The following TGDS variants were observed in gnomAD, a reference collection of about 807,000 sequenced individuals.
TGDS encodes UDP-D-glucose 4,6-dehydratase.
A neutral mutation model predicts 52.3 loss-of-function variants in TGDS; 47 were observed. That is an observed-to-expected ratio of 0.90 (90% confidence interval 0.71 to 1.15). TGDS has a LOEUF of 1.15. Ranked by LOEUF, TGDS falls within the 50% of genes most tolerant of loss-of-function variation. The pLI is 0.00. For synonymous variants in TGDS, 115 were observed against 136.9 expected (o/e 0.84, Z 1.12); for missense variants, 375 against 418.4 (o/e 0.90, Z 0.90).
intron 11 of TGDS, among the ~76,000 whole-genome samples, chr13:94,575,126 T>C (rs986751132): frequency 2.6e-5 from 4 of 152,086 alleles, no homozygotes; most frequent in African/African-American, 7.2e-5. Flanking sequence ...TTGGTATAAA[T>C]ATTTAAGATT....
intron 3 of TGDS, 62 bp from the exon 4 acceptor site, chr13:94,591,005 T>G: frequency 8.2e-7 from 1 of 1,224,984 alleles, no homozygotes; most frequent in Non-Finnish European, 1.1e-6. Flanking sequence ...TTCATAACCA[T>G]TTTTACTATA....
intron 3 of TGDS, among the ~76,000 whole-genome samples, chr13:94,591,171 CCAA>C (rs1226441526): frequency 1.6e-4 from 25 of 152,312 alleles, no homozygotes; most frequent in African/African-American, 5.5e-4. Flanking sequence ...TTAATGAGCA[CCAA>C]CAACTACTAA....
Position 94,583,075 on chromosome 13 carries a change from A to G in TGDS, c.456+19T>C. 1 of 1,609,672 alleles carries G rather than the reference A, an allele frequency of 6.2e-7. No homozygotes were observed. On this transcript the variant is annotated intron_variant, in intron 5 of 11. Coordinates refer to ENST00000261296, the MANE Select transcript of TGDS (RefSeq NM_014305.4). ...TGGTACATGGTTAAGTAGGTAAAAT[A>G]TACATTTTCTAAGCTCACCTTATCA...
intron 4 of TGDS, among the ~76,000 whole-genome samples, chr13:94,585,545 C>G (rs1212248339): frequency 6.6e-6 from 1 of 151,932 alleles, no homozygotes; most frequent in Non-Finnish European, 1.5e-5. Flanking sequence ...TGCCCGTAAT[C>G]CCAGCACTTT....
chr13:94,587,764 G>C (rs1022581801), intron 4 of TGDS, among the ~76,000 whole-genome samples: 3 of 152,172 alleles, frequency 2.0e-5, no homozygotes, highest in African/African-American at 7.2e-5. Flanking sequence ...TTGGGAGGCT[G>C]AGGCGGGTGG....
chr13:94,593,996 A>C, intron 1 of TGDS, 89 bp from the exon 2 acceptor site: 1 of 738,268 alleles, frequency 1.4e-6, no homozygotes, highest in South Asian at 2.0e-5. Context: ...TACTAGGAAA[A>C]TACTCAAAGA....
At position 94,596,065 on chromosome 13, in the gene TGDS, G is replaced by C; in HGVS notation, c.72C>G (p.Gly24=). The C allele has an allele frequency of 6.2e-7, 1 of 1,614,086 alleles. No individual in the cohort carries two copies. Among genetic ancestry groups the C allele is most frequent in the Non-Finnish European group, 8.5e-7 (1 of 1,179,990 alleles). Residue 24 remains glycine (G), a synonymous_variant, in exon 1 of 12, where the codon GGC becomes GGG. Coordinates refer to ENST00000261296, the MANE Select transcript of TGDS (RefSeq NM_014305.4). The part of the protein sequence containing the change: ...GGFAKRVLVT[G]GAGFIASHMI... ...CCATTACCTACATGAAACCAGCACC[G>C]CCGGTCACCAGGACCCGCTTCGCAA...
intron 5 of TGDS, among the ~76,000 whole-genome samples, chr13:94,582,120 C>A (rs1042501046): frequency 6.6e-6 from 1 of 151,950 alleles, no homozygotes; most frequent in Non-Finnish European, 1.5e-5. Context: ...ATTGCTTGAA[C>A]CTGGGAGGCG....
At chr13:94,595,322 T>C (rs921729386) in intron 1 of TGDS, among the ~76,000 whole-genome samples, 4 of 152,144 alleles carry the variant, frequency 2.6e-5, no homozygotes, top group South Asian at 2.1e-4. Flanking sequence ...ATGGTAGAGT[T>C]TGGGCTTTAT....
At chr13:94,578,376 C>CATATTAGTGAT in intron 8 of TGDS, among the ~76,000 whole-genome samples, 1 of 152,258 alleles carries the variant, frequency 6.6e-6, no homozygotes, top group East Asian at 1.9e-4. Flanking sequence ...AGGAAAGTGA[C>CATATTAGTGAT]CCCTGTGAAA....
chr13:94,581,324 T>C, intron 5 of TGDS, 135 bp from the exon 6 acceptor site: 1 of 528,304 alleles, frequency 1.9e-6, no homozygotes, highest in South Asian at 3.7e-5. Context: ...CCTGGTGTTT[T>C]CCCAAGGACA....
intron 4 of TGDS, among the ~76,000 whole-genome samples, chr13:94,585,073 TCTC>T (rs1888930743): frequency 6.6e-6 from 1 of 151,114 alleles, no homozygotes; most frequent in African/African-American, 2.4e-5. Flanking sequence ...TTTTTTTTTT[TCTC>T]TCTCTCTCTG....
chr13:94,593,156 G>C (rs1173713850), intron 2 of TGDS, among the ~76,000 whole-genome samples: 1 of 145,128 alleles, frequency 6.9e-6, no homozygotes, highest in African/African-American at 2.5e-5. Context: ...CCATTTCAAA[G>C]AAAAAAAAAA....
intron 2 of TGDS, among the ~76,000 whole-genome samples, chr13:94,593,264 G>A (rs892255951): frequency 6.6e-5 from 10 of 152,150 alleles, no homozygotes; most frequent in Admixed American, 6.5e-4. Context: ...TTACACCTGT[G>A]TTATACATAT....
chr13:94,588,421 C>CAAAAAAAAAAAAAAAA (rs150186125), intron 4 of TGDS, among the ~76,000 whole-genome samples: 3 of 58,492 alleles, frequency 5.1e-5, no homozygotes, highest in East Asian at 6.7e-4. Context: ...GACTCTGTCT[C>CAAAAAAAAAAAAAAAA]AAAAAAAAAA....
In TGDS at chr13:94,576,613, CCT is replaced by C. The variant is rs146133335; in HGVS notation, c.885-204_885-203del. Among the ~76,000 whole-genome samples, 449 of 151,898 alleles carry C rather than the reference CCT, an allele frequency of 3.0e-3. 3 individuals are homozygous for C. The highest frequency in any genetic ancestry group is 8.8e-3 in the African/African-American group (365 of 41,428). On this transcript the variant is annotated intron_variant, in intron 10 of 11. Coordinates refer to ENST00000261296, the MANE Select transcript of TGDS (RefSeq NM_014305.4). ...TCACCCATAATGCCAGGTGCCTAAC[CCT>C]CTCTGTGTCTTGTCTTCTTGTTTCA...
At chr13:94,581,240 A>G in intron 5 of TGDS, 51 bp from the exon 6 acceptor site, 1 of 1,238,296 alleles carries the variant, frequency 8.1e-7, no homozygotes, top group Non-Finnish European at 1.1e-6. Flanking sequence ...TTTTAAGTAT[A>G]GAAATCAGAG....
chr13:94,577,716 T>C (rs1324449802), intron 9 of TGDS, among the ~76,000 whole-genome samples: 2 of 152,216 alleles, frequency 1.3e-5, no homozygotes, highest in African/African-American at 4.8e-5. Flanking sequence ...CTAATGTAAT[T>C]ATTTTATATA....
chr13:94,576,395 T>C lies in TGDS; in HGVS notation c.901A>G (p.Arg301Gly). 1.3e-6 allele frequency: 2 copies of C among 1,595,434 alleles called. No individual in the cohort carries two copies. Among genetic ancestry groups the C allele is most frequent in the Non-Finnish European group, 1.7e-6 (2 of 1,170,872 alleles). Residue 301 changes from arginine to glycine, a missense_variant, in exon 11 of 12, where the codon AGA (arginine) becomes GGA (glycine). Transcript: ENST00000261296. Reference sequence around the variant, plus strand: ...ATTTTTTCTGACTTCATTGGGTATCTCATGTCATTGGTGGGTCTTGGAAAA... The same window carrying C: ...ATTTTTTCTGACTTCATTGGGTATCCCATGTCATTGGTGGGTCTTGGAAAA... Reference protein sequence around the residue: ...YVNDRPTNDMRYPMKSEKIHG... With the variant: ...YVNDRPTNDMGYPMKSEKIHG...
Sources: allele counts gnomAD v4.1 joint callset (sites outside exome capture counted in the v4.1 genomes callset), GRCh38; gene constraint gnomAD v4.1.1; transcripts MANE v1.5; gene names NCBI Gene and HGNC (gene_info 2026-07-23, HGNC 2026-07-21).